PPARGC1A: variants seen among roughly 807,000 people sequenced by gnomAD.
PPARGC1A encodes peroxisome proliferator-activated receptor gamma coactivator 1-alpha.
A neutral mutation model predicts 88.7 loss-of-function variants in PPARGC1A; 25 were observed. The observed-to-expected ratio is 0.28, with a 90% CI of 0.21 to 0.39. The LOEUF (loss-of-function observed/expected upper bound fraction) is 0.39, where lower values mean the gene tolerates loss of function less well. Among genes scored for constraint, PPARGC1A ranks in the 10% least tolerant of loss-of-function variants. The pLI, the probability that PPARGC1A is intolerant of heterozygous loss-of-function variation, is 1.00. For missense variants in PPARGC1A, 880 were observed against 968.7 expected (o/e 0.91, Z 1.22); for synonymous variants, 363 against 355.6 (o/e 1.02, Z -0.24).
chr4:24,464,135 G>A, the PPARGC1A span, among the ~76,000 whole-genome samples: 3 of 152,204 alleles, frequency 2.0e-5, no homozygotes, highest in Non-Finnish European at 4.4e-5. Flanking sequence ...GAGGCCTACA[G>A]CCAACTGTGA....
At chr4:24,194,546 G>T in the PPARGC1A span, among the ~76,000 whole-genome samples, 1 of 151,836 alleles carries the variant, frequency 6.6e-6, no homozygotes, top group Non-Finnish European at 1.5e-5. Context: ...TTGCAGTTTT[G>T]TCATTGAACA....
chr4:24,412,978 T>C, the PPARGC1A span, among the ~76,000 whole-genome samples: 1 of 152,198 alleles, frequency 6.6e-6, no homozygotes, highest in South Asian at 2.1e-4. Flanking sequence ...AGAAGCATCC[T>C]CTCAATGAAG....
chr4:23,813,324 G>T (rs940127880), intron 8 of PPARGC1A, among the ~76,000 whole-genome samples, 199 bp from the exon 9 acceptor site: 1 of 152,106 alleles, frequency 6.6e-6, no homozygotes, highest in Non-Finnish European at 1.5e-5. Context: ...CTCTCTCAGC[G>T]TCTCTTATTG....
At chr4:23,811,391 A>T (rs564693510) in intron 10 of PPARGC1A, among the ~76,000 whole-genome samples, 1 of 152,300 alleles carries the variant, frequency 6.6e-6, no homozygotes, top group East Asian at 1.9e-4. Context: ...GCTGATCTTC[A>T]CTGAGCTAAC....
the PPARGC1A span, among the ~76,000 whole-genome samples, chr4:24,400,404 A>G: frequency 6.6e-6 from 1 of 152,096 alleles, no homozygotes; most frequent in Non-Finnish European, 1.5e-5. Flanking sequence ...GATGCTTCCC[A>G]CTCTCAAACA....
At chr4:24,018,602 AT>A in the PPARGC1A span, among the ~76,000 whole-genome samples, 7 of 152,190 alleles carry the variant, frequency 4.6e-5, no homozygotes, top group African/African-American at 1.4e-4. Context: ...AATAAAAAAA[AT>A]ATATGGGGCC....
chr4:24,192,709 T>C, the PPARGC1A span, among the ~76,000 whole-genome samples: 1 of 152,326 alleles, frequency 6.6e-6, no homozygotes, highest in East Asian at 1.9e-4. Context: ...TTAGAGAATA[T>C]TGTAAATCAG....
chr4:24,273,981 C>G, the PPARGC1A span, among the ~76,000 whole-genome samples: 1 of 151,772 alleles, frequency 6.6e-6, no homozygotes, highest in Admixed American at 6.6e-5. Flanking sequence ...CTCAGGTGAT[C>G]CACCGCCTCA....
chr4:24,120,686 A>T, the PPARGC1A span, among the ~76,000 whole-genome samples: 2 of 152,252 alleles, frequency 1.3e-5, no homozygotes. Flanking sequence ...TGATAAGGTC[A>T]TGGGGGTAGA....
chr4:24,296,063 T>C, the PPARGC1A span, among the ~76,000 whole-genome samples: 1 of 151,212 alleles, frequency 6.6e-6, no homozygotes, highest in Non-Finnish European at 1.5e-5. Flanking sequence ...TGTATATATG[T>C]GTATATGTAT....
At chr4:23,925,887 C>T in the PPARGC1A span, among the ~76,000 whole-genome samples, 6 of 152,106 alleles carry the variant, frequency 3.9e-5, no homozygotes, top group Admixed American at 3.9e-4. Flanking sequence ...AACTTCTAGT[C>T]AAGGCAGTTC....
At chr4:23,987,963 C>T in the PPARGC1A span, among the ~76,000 whole-genome samples, 1 of 151,798 alleles carries the variant, frequency 6.6e-6, no homozygotes, top group African/African-American at 2.4e-5. Context: ...CCAACAGGCC[C>T]CAGTGTATGA....
At chr4:23,916,444 A>C in the PPARGC1A span, among the ~76,000 whole-genome samples, 2 of 152,198 alleles carry the variant, frequency 1.3e-5, no homozygotes, top group Admixed American at 1.3e-4. Context: ...TTCCTGTATA[A>C]ATTTCCAGAT....
the PPARGC1A span, among the ~76,000 whole-genome samples, chr4:24,460,361 G>A: frequency 3.9e-5 from 6 of 151,992 alleles, no homozygotes; most frequent in African/African-American, 7.3e-5. Flanking sequence ...GACACTTTAC[G>A]GTTTACAAAC....
At chr4:24,430,358 C>T in the PPARGC1A span, among the ~76,000 whole-genome samples, 154 of 149,634 alleles carry the variant, frequency 1.0e-3, no homozygotes, top group African/African-American at 3.5e-3. Context: ...CCTGGGTTCA[C>T]GCCATTCTCC....
At chr4:24,398,887 A>C in the PPARGC1A span, among the ~76,000 whole-genome samples, 3,114 of 152,316 alleles carry the variant, frequency 0.02, 101 homozygotes, top group East Asian at 0.15. Context: ...TCCAAAGCCA[A>C]ATGAGGGCAG....
At chr4:23,985,740 A>C in the PPARGC1A span, among the ~76,000 whole-genome samples, 9 of 151,880 alleles carry the variant, frequency 5.9e-5, no homozygotes, top group Admixed American at 3.9e-4. Flanking sequence ...CTATTTGATC[A>C]TCAAACTAAC....
Position 23,824,481 on chromosome 4 carries a change from A to G in PPARGC1A, c.785T>C (p.Leu262Pro), listed in dbSNP as rs1157501764. The change falls in exon 6 of 13, where the codon CTG becomes CCG. Residue 262 changes from leucine (L) to proline (P), a missense_variant. Transcript: ENST00000264867. ...TACTTACTTTGGTGACTCTGGGGTCAGAGGAAGAGATAAAGTTGTTGGTTT... is the reference window on the plus strand; with the variant it reads ...TACTTACTTTGGTGACTCTGGGGTCGGAGGAAGAGATAAAGTTGTTGGTTT... ...QAKPTTLSLPLTPESPNDPKG... is the reference protein window; with the variant it reads ...QAKPTTLSLPPTPESPNDPKG... 2 of 1,609,568 alleles carry G rather than the reference A, an allele frequency of 1.2e-6. No homozygotes were observed. Among genetic ancestry groups the G allele is most frequent in the Non-Finnish European group, 1.7e-6 (2 of 1,176,290 alleles).
At chr4:23,978,582 A>G in the PPARGC1A span, among the ~76,000 whole-genome samples, 5 of 152,196 alleles carry the variant, frequency 3.3e-5, no homozygotes, top group East Asian at 9.6e-4. Flanking sequence ...ATCAGGTTAT[A>G]ACCCTATTTG....
Sources: allele counts gnomAD v4.1 joint callset (sites outside exome capture counted in the v4.1 genomes callset), GRCh38; gene constraint gnomAD v4.1.1; transcripts MANE v1.5; gene names NCBI Gene and HGNC (gene_info 2026-07-23, HGNC 2026-07-21).